The following MIPOL1 variants were observed in gnomAD, a reference collection of about 807,000 sequenced individuals.
MIPOL1 encodes the protein mirror-image polydactyly gene 1 protein.
Under a neutral mutation model 60.9 loss-of-function variants are expected in MIPOL1, and 57 were observed. The observed-to-expected ratio is 0.94, with a 90% CI of 0.76 to 1.17. The LOEUF (loss-of-function observed/expected upper bound fraction) is 1.17, where lower values mean the gene tolerates loss of function less well. MIPOL1 is among the 50% of genes most tolerant of loss of function. The pLI is 0.00. For synonymous variants in MIPOL1, 179 were observed against 168.8 expected (o/e 1.06, Z -0.47); for missense variants, 551 against 511.6 (o/e 1.08, Z -0.74).
At position 37,430,600 on chromosome 14, in the gene MIPOL1, G is replaced by A. The variant is rs112515486; in HGVS notation, c.1031+7651G>A. ...TCTTCTTCCTCTCAACTTATAGAAT[G>A]TGGCATTTACTAAGCTACTTCTGAA... On this transcript the variant is annotated intron_variant, in intron 11 of 12. Coordinates refer to ENST00000684589, the MANE Select transcript of MIPOL1 (RefSeq NM_001388067.1). 4.7e-3 allele frequency among the ~76,000 whole-genome samples: 707 copies of A among 151,636 alleles called. 4 individuals carry two copies. Among genetic ancestry groups the A allele is most frequent in the African/African-American group, 0.015 (627 of 41,368 alleles).
Position 37,455,944 on chromosome 14 carries a change from ATTATAT to A in MIPOL1, c.1031+33002_1031+33007del, listed in dbSNP as rs557975307. On this transcript the variant is annotated intron_variant, in intron 11 of 12. Coordinates refer to ENST00000684589, the MANE Select transcript of MIPOL1 (RefSeq NM_001388067.1). ...AGTCTATGTTTACCAAATGGGATTT[ATTATAT>A]TTATATGTTATTTTCCCATTAAATT... Among the ~76,000 whole-genome samples the A allele has an allele frequency of 5.5e-4, 83 of 152,224 alleles. 1 individual carries two copies. In the South Asian group the frequency reaches 9.1e-3, roughly 17 times the overall value.
At chr14:37,406,818 C>A (rs1172274935) in intron 10 of MIPOL1, among the ~76,000 whole-genome samples, 1 of 152,028 alleles carries the variant, frequency 6.6e-6, no homozygotes, top group Non-Finnish European at 1.5e-5. Context: ...AGTGGTAAAT[C>A]TCATTAAATG....
At chr14:37,516,269 G>T (rs894940196) in intron 12 of MIPOL1, among the ~76,000 whole-genome samples, 2 of 152,048 alleles carry the variant, frequency 1.3e-5, no homozygotes, top group African/African-American at 4.8e-5. Context: ...TTTTATATGT[G>T]GGTCTAAAGT....
At chr14:37,256,539 A>G (rs1379726690) in intron 3 of MIPOL1, among the ~76,000 whole-genome samples, 1 of 151,984 alleles carries the variant, frequency 6.6e-6, no homozygotes, top group Non-Finnish European at 1.5e-5. Flanking sequence ...ATTTTACTCA[A>G]TTGCTTTTAA....
At chr14:37,453,084 A>C (rs1189146081) in intron 11 of MIPOL1, among the ~76,000 whole-genome samples, 3 of 152,166 alleles carry the variant, frequency 2.0e-5, no homozygotes, top group Admixed American at 1.3e-4. Flanking sequence ...TTCAATTCCC[A>C]TCTGATAATC....
At chr14:37,480,512 TA>T (rs531557410) in intron 11 of MIPOL1, among the ~76,000 whole-genome samples, 63 of 142,516 alleles carry the variant, frequency 4.4e-4, no homozygotes, top group Non-Finnish European at 4.3e-4. Flanking sequence ...CTTTCATGAT[TA>T]AAAAAAAAAA....
At chr14:37,487,580 G>A (rs1378429832) in intron 11 of MIPOL1, among the ~76,000 whole-genome samples, 7 of 152,096 alleles carry the variant, frequency 4.6e-5, no homozygotes, top group Admixed American at 3.9e-4. Context: ...GTGTATGTGT[G>A]CAGAAATTTA....
chr14:37,342,738 G>A (rs2090664435), intron 9 of MIPOL1, among the ~76,000 whole-genome samples: 1 of 151,952 alleles, frequency 6.6e-6, no homozygotes, highest in African/African-American at 2.4e-5. Flanking sequence ...TATGAATACA[G>A]TTAACATAAT....
intron 9 of MIPOL1, among the ~76,000 whole-genome samples, chr14:37,321,487 G>A (rs929143010): frequency 6.6e-6 from 1 of 151,842 alleles, no homozygotes; most frequent in Admixed American, 6.6e-5. Context: ...GAAATTTTTT[G>A]ATACTTGCCC....
chr14:37,486,142 A>G (rs1594654384), intron 11 of MIPOL1, among the ~76,000 whole-genome samples: 1 of 152,132 alleles, frequency 6.6e-6, no homozygotes, highest in African/African-American at 2.4e-5. Context: ...AGATGGTTGT[A>G]AATGTGTGGT....
intron 10 of MIPOL1, among the ~76,000 whole-genome samples, chr14:37,411,378 G>GT (rs1357922867): frequency 6.6e-6 from 1 of 152,050 alleles, no homozygotes; most frequent in Non-Finnish European, 1.5e-5. Context: ...CTAGAAAAGC[G>GT]TGTATTTTAG....
chr14:37,207,674 T>A (rs1966309022), intron 1 of MIPOL1, among the ~76,000 whole-genome samples: 5 of 151,990 alleles, frequency 3.3e-5, no homozygotes, highest in Admixed American at 3.3e-4. Context: ...GCCTCCCGAG[T>A]AGCTGGGATT....
At chr14:37,416,734 G>C (rs1595684202) in intron 10 of MIPOL1, among the ~76,000 whole-genome samples, 2 of 152,266 alleles carry the variant, frequency 1.3e-5, no homozygotes, top group East Asian at 3.9e-4. Context: ...AAGACTTTCT[G>C]CTGAAGATAG....
At chr14:37,444,216 G>C (rs1321784190) in intron 11 of MIPOL1, among the ~76,000 whole-genome samples, 1 of 152,004 alleles carries the variant, frequency 6.6e-6, no homozygotes, top group East Asian at 1.9e-4. Flanking sequence ...TTTTCTAATT[G>C]TTCATTGCTA....
chr14:37,474,401 A>T (rs1231721299), intron 11 of MIPOL1, among the ~76,000 whole-genome samples: 1 of 152,126 alleles, frequency 6.6e-6, no homozygotes, highest in South Asian at 2.1e-4. Context: ...GTGGGAGGTA[A>T]TTGAATCATG....
intron 9 of MIPOL1, among the ~76,000 whole-genome samples, chr14:37,337,416 T>G (rs376704224): frequency 4.8e-5 from 6 of 126,146 alleles, no homozygotes; most frequent in African/African-American, 1.5e-4. Context: ...TCACCAGGGC[T>G]GGTGTGCAGT....
chr14:37,458,224 A>T (rs1379860771), intron 11 of MIPOL1, among the ~76,000 whole-genome samples: 1 of 152,210 alleles, frequency 6.6e-6, no homozygotes, highest in African/African-American at 2.4e-5. Flanking sequence ...ATAGTGGAAG[A>T]CTTCAACATC....
chr14:37,482,653 G>T (rs1011568897), intron 11 of MIPOL1, among the ~76,000 whole-genome samples: 1 of 152,146 alleles, frequency 6.6e-6, no homozygotes, highest in Non-Finnish European at 1.5e-5. Context: ...CATGAGAACA[G>T]CACTGGGGAA....
chr14:37,371,116 A>G (rs1221766006), intron 10 of MIPOL1, among the ~76,000 whole-genome samples: 1 of 151,748 alleles, frequency 6.6e-6, no homozygotes, highest in East Asian at 1.9e-4. Context: ...AAAGAAATAG[A>G]TGGAATAATT....
Sources: allele counts gnomAD v4.1 joint callset (sites outside exome capture counted in the v4.1 genomes callset), GRCh38; gene constraint gnomAD v4.1.1; transcripts MANE v1.5; gene names NCBI Gene and HGNC (gene_info 2026-07-23, HGNC 2026-07-21).